Variants in RTN2 observed in about 807,000 individuals in gnomAD.
RTN2 encodes the protein reticulon 2.
Under a neutral mutation model 63.7 loss-of-function variants are expected in RTN2, and 36 were observed. That is an observed-to-expected ratio of 0.56 (90% confidence interval 0.43 to 0.75). The LOEUF (loss-of-function observed/expected upper bound fraction) is 0.75, where lower values mean the gene tolerates loss of function less well. Ranked by LOEUF, RTN2 falls within the 30% of genes least tolerant of loss-of-function variation. RTN2 has a pLI of 0.00. For missense variants in RTN2, 673 were observed against 705.1 expected, an observed-to-expected ratio of 0.95 and a Z score of 0.52; for synonymous variants, 312 against 313.0, an observed-to-expected ratio of 1.00 and a Z score of 0.03.
chr19:45,494,273 A>C lies in RTN2; in HGVS notation c.707T>G (p.Leu236Arg). 6.2e-7 allele frequency: 1 copy of C among 1,613,770 alleles called. No homozygotes were observed. Among genetic ancestry groups the C allele is most frequent in the South Asian group, 1.1e-5 (1 of 91,070 alleles). ...DSNSGPEEPL[L>R]EEEEKQWGPL... ...CCCCCACTGCTTTTCTTCCTCTTCCAGCAATGGCTCTTCGGGCCCAGAGTT... is the reference window on the plus strand; with the variant it reads ...CCCCCACTGCTTTTCTTCCTCTTCCCGCAATGGCTCTTCGGGCCCAGAGTT... Residue 236 changes from leucine to arginine, a missense_variant, in exon 4 of 11, where the codon CTG becomes CGG. Transcript: ENST00000245923. The surrounding 1 kb of genome is among the most constrained non-coding windows in gnomAD (Gnocchi z 5.3).
chr19:45,488,649 G>A lies in RTN2; in HGVS notation c.1438C>T (p.Leu480Phe), dbSNP rs748226568. 6.2e-7 allele frequency: 1 copy of A among 1,613,844 alleles called. No individual in the cohort carries two copies. The change falls in exon 8 of 11, where the codon CTT becomes TTT. Residue 480 changes from leucine to phenylalanine, a missense_variant. Coordinates refer to ENST00000245923, the MANE Select transcript of RTN2 (RefSeq NM_005619.5). The stretch of plus-strand genomic sequence containing the variant: ...CTTCCCAGCTCACCCAGAATGAGAA[G>A]AGTCAAACCATTGAAGATGGCACCC... ...FVGAIFNGLT[L>F]LILGVIGLFT... is the part of the protein sequence containing the mutation.
intron 5 of RTN2, among the ~76,000 whole-genome samples, chr19:45,492,283 T>C (rs1211008298): frequency 6.6e-6 from 1 of 152,084 alleles, no homozygotes; most frequent in East Asian, 1.9e-4. Context: ...GTCTAAACTT[T>C]AGGCTCACTC....
chr19:45,490,980 G>A (rs112054498), intron 5 of RTN2, among the ~76,000 whole-genome samples: 14,864 of 151,028 alleles, frequency 0.098, 837 homozygotes, highest in East Asian at 0.2. Context: ...TCCACCTCCC[G>A]GGTTCAAGCG....
chr19:45,494,449 G>A lies in RTN2; in HGVS notation c.560-29C>T. The stretch of plus-strand genomic sequence containing the variant: ...ATACGGTAGAGAGAGGAGGCCGTGA[G>A]CTTTCTTCTTGGAGGTGCCCCAAGG... On this transcript the variant is annotated intron_variant, in intron 3 of 10. Transcript: ENST00000245923. This position sits in a 1 kb window ranked among gnomAD's most constrained non-coding sequence, Gnocchi z 5.3. 1 of 1,604,692 alleles carries A rather than the reference G, an allele frequency of 6.2e-7. No homozygotes were observed. Among genetic ancestry groups the A allele is most frequent in the Non-Finnish European group, 8.5e-7 (1 of 1,173,540 alleles).
Position 45,494,585 on chromosome 19 carries a change from G to T in RTN2, c.500C>A (p.Pro167Gln). The part of the protein sequence containing the change: ...GEDSSTSSST[P>Q]LEDEEPQEPN... ...TTCTTGGGGTTCTTCGTCTTCCAGC[G>T]GGGTGGAGCTGCTGGTGGAAGAGTC... is the stretch of plus-strand genomic sequence containing the variant. Residue 167 changes from proline to glutamine, a missense_variant, in exon 3 of 11, where the codon CCG (proline) becomes CAG (glutamine). Transcript: ENST00000245923. This position sits in a 1 kb window ranked among gnomAD's most constrained non-coding sequence, Gnocchi z 5.3. 1 of 1,614,044 alleles carries T rather than the reference G, an allele frequency of 6.2e-7. No homozygotes were observed. The highest frequency in any genetic ancestry group is 1.1e-5 in the South Asian group (1 of 91,082).
chr19:45,488,813 G>C (rs536638222), intron 7 of RTN2, 35 bp downstream of exon 7: 3 of 1,596,996 alleles, frequency 1.9e-6, no homozygotes, highest in South Asian at 2.3e-5. Context: ...GAGGTGAATG[G>C]GGGAACCCAG....
intron 9 of RTN2, 45 bp downstream of exon 9, chr19:45,488,423 ACCC>A: frequency 6.3e-7 from 1 of 1,591,772 alleles, no homozygotes; most frequent in Non-Finnish European, 8.6e-7. Context: ...AGATGGTCAG[ACCC>A]CCATGTTTAG....
Position 45,496,773 on chromosome 19 carries a change from C to T in RTN2, c.34+19G>A. The T allele has an allele frequency of 6.7e-7, 1 of 1,499,490 alleles. No homozygotes were observed. Among genetic ancestry groups the T allele is most frequent in the Non-Finnish European group, 9.0e-7 (1 of 1,116,226 alleles). The allele number at this position is 1,499,490 out of a possible 1,614,324, so 92.9% of individuals were successfully genotyped here. On this transcript the variant is annotated intron_variant, in intron 1 of 10. Coordinates refer to ENST00000245923, the MANE Select transcript of RTN2 (RefSeq NM_005619.5). Reference sequence around the variant, plus strand: ...GAACCTCTGGGGCCCACACCAGGCCCCAGTCTTCCTCTACTCACTGCAGTG... The same window carrying T: ...GAACCTCTGGGGCCCACACCAGGCCTCAGTCTTCCTCTACTCACTGCAGTG...
chr19:45,494,737 G>A lies in RTN2; in HGVS notation c.348C>T (p.Ser116=), dbSNP rs913184423. Residue 116 remains serine (S), a synonymous_variant, in exon 3 of 11, where the codon AGC becomes AGT. Coordinates refer to ENST00000245923, the MANE Select transcript of RTN2 (RefSeq NM_005619.5). This position sits in a 1 kb window ranked among gnomAD's most constrained non-coding sequence, Gnocchi z 5.3. ...CCCGTCGTCCAGGCTCCGGGGATTG[G>A]CTCAGGCTGGGGATGCTCTCCAAGC... ...GDSLESIPSL[S]QSPEPGRRGD... is the part of the protein sequence containing the mutation. 6.2e-7 allele frequency: 1 copy of A among 1,611,468 alleles called. No individual in the cohort carries two copies. Among genetic ancestry groups the A allele is most frequent in the Non-Finnish European group, 8.5e-7 (1 of 1,179,984 alleles).
chr19:45,493,517 C>T (rs1480696829), intron 4 of RTN2, 139 bp from the exon 5 acceptor site: 4 of 679,992 alleles, frequency 5.9e-6, no homozygotes, highest in Non-Finnish European at 1.0e-5. Context: ...TGGTCTTGCA[C>T]TCTTGGCTTC....
intron 1 of RTN2, 148 bp from the exon 2 acceptor site, chr19:45,495,287 A>C (rs1041454265): frequency 1.1e-6 from 1 of 869,806 alleles, no homozygotes; most frequent in Non-Finnish European, 1.8e-6. Flanking sequence ...TCACTGCCTG[A>C]TGAAGCTCAG....
rs1417588067 is a variant in RTN2 at position 45,496,884 on chromosome 19, C to T, written c.-59G>A. 11 of 1,150,678 alleles carry T rather than the reference C, an allele frequency of 9.6e-6. No homozygotes were observed. Among genetic ancestry groups the T allele is most frequent in the African/African-American group, 1.6e-5 (1 of 62,468 alleles). The allele number at this position is 1,150,678 out of a possible 1,614,324, so 71.3% of individuals were successfully genotyped here. A position where few individuals can be genotyped will look rare whatever the true frequency, so the allele number is the denominator to read the frequency against. ...CACTCCGGCTGTGCCGCCCTGGGCC[C>T]GGGGTCGCGGGCGCTCATCTCCGCC... On this transcript the variant is annotated 5_prime_UTR_variant, in exon 1 of 11. Coordinates refer to ENST00000245923, the MANE Select transcript of RTN2 (RefSeq NM_005619.5).
chr19:45,496,418 A>G (rs957229860), intron 1 of RTN2, among the ~76,000 whole-genome samples: 65 of 152,040 alleles, frequency 4.3e-4, no homozygotes, highest in African/African-American at 1.5e-3. Flanking sequence ...TGGGAGCCAG[A>G]CCCCTGTTTT....
At chr19:45,487,202 C>T (rs768055702) in intron 9 of RTN2, among the ~76,000 whole-genome samples, 9 of 151,798 alleles carry the variant, frequency 5.9e-5, no homozygotes, top group Non-Finnish European at 1.2e-4. Flanking sequence ...TGCCACCACA[C>T]CTGGCTAGTT....
At chr19:45,488,545 G>A (rs766362522) in intron 8 of RTN2, 28 bp from the exon 9 acceptor site, 1 of 1,613,940 alleles carries the variant, frequency 6.2e-7, no homozygotes, top group East Asian at 2.2e-5. Context: ...GGGGCGTCAG[G>A]GTGTTCCCAA....
intron 9 of RTN2, among the ~76,000 whole-genome samples, chr19:45,486,572 C>T (rs1261952965): frequency 1.3e-5 from 2 of 152,080 alleles, no homozygotes; most frequent in Non-Finnish European, 2.9e-5. Context: ...AGTGCAGTGG[C>T]ATGATCTCGG....
At position 45,489,364 on chromosome 19, in the gene RTN2, T is replaced by A. The variant is rs1599907878; in HGVS notation, c.1223A>T (p.Asp408Val). The change falls in exon 6 of 11, where the codon GAT (aspartate) becomes GTT (valine). Residue 408 changes from aspartate to valine, a missense_variant. Asp to Val is a radical substitution (Grantham distance 152). Transcript: ENST00000245923. Reference protein sequence around the residue: ...RKVLQAVHRGDGANPFQAYLD... With the variant: ...RKVLQAVHRGVGANPFQAYLD... ...TTCTCACTGGAAAGGGTTGGCTCCA[T>A]CCCCCCGGTGCACGGCCTGCAGCAC... 6.4e-7 allele frequency: 1 copy of A among 1,568,782 alleles called. No individual in the cohort carries two copies. The highest frequency in any genetic ancestry group is 8.6e-7 in the Non-Finnish European group (1 of 1,157,472).
rs778672807 is a variant in RTN2 at position 45,489,500 on chromosome 19, C to T, written c.1087G>A (p.Gly363Ser). ...AGGCAGAGGAGGGAGACCATCAGGC[C>T]TGTGAAGACCACTCCTGACGTCCTC... ...DTRTSGVVFT[G>S]LMVSLLCLLH... The change falls in exon 6 of 11, where the codon GGC (glycine) becomes AGC (serine). Residue 363 changes from glycine to serine, a missense_variant. Coordinates refer to ENST00000245923, the MANE Select transcript of RTN2 (RefSeq NM_005619.5). The T allele has an allele frequency of 3.1e-6, 5 of 1,612,182 alleles. No homozygotes were observed. Among genetic ancestry groups the T allele is most frequent in the African/African-American group, 1.3e-5 (1 of 74,800 alleles).
Position 45,488,494 on chromosome 19 carries a change from G to A in RTN2, c.1474C>T (p.Pro492Ser). 2 of 1,613,954 alleles carry A rather than the reference G, an allele frequency of 1.2e-6. No homozygotes were observed. The highest frequency in any genetic ancestry group is 1.7e-6 in the Non-Finnish European group (2 of 1,179,950). ...ACCTGGTGCTGCCGGTACAGCAGGG[G>A]GATGGTGAATAGACCAATCACTCCT... Reference protein sequence around the residue: ...ILGVIGLFTIPLLYRQHQAQI... With the variant: ...ILGVIGLFTISLLYRQHQAQI... The change falls in exon 9 of 11, where the codon CCC becomes TCC. Residue 492 changes from proline to serine, a missense_variant. By Grantham distance (74) the Pro-to-Ser change is moderately conservative (BLOSUM62 -1). Transcript: ENST00000245923.
Sources: allele counts gnomAD v4.1 joint callset (sites outside exome capture counted in the v4.1 genomes callset), GRCh38; gene constraint gnomAD v4.1.1; non-coding constraint Gnocchi (gnomAD v3.1); transcripts MANE v1.5; gene names NCBI Gene and HGNC (gene_info 2026-07-23, HGNC 2026-07-21).